The following MYRIP variants were observed in gnomAD, a reference collection of about 807,000 sequenced individuals.
MYRIP encodes myosin VIIA and Rab interacting protein.
A neutral mutation model predicts 98.0 loss-of-function variants in MYRIP; 49 were observed. That is an observed-to-expected ratio of 0.50 (90% CI 0.40 to 0.63). The LOEUF is 0.63. MYRIP is among the 30% of genes least tolerant of loss of function. MYRIP has a pLI of 0.00. For missense variants in MYRIP, 1,004 were observed against 1,058.2 expected, an observed-to-expected ratio of 0.95 and a Z score of 0.71; for synonymous variants, 404 against 409.5, an observed-to-expected ratio of 0.99 and a Z score of 0.16.
chr3:39,943,754 T>C (rs1487902059), intron 2 of MYRIP, among the ~76,000 whole-genome samples: 1 of 152,144 alleles, frequency 6.6e-6, no homozygotes, highest in Non-Finnish European at 1.5e-5. Context: ...TCTCGTTAGA[T>C]GTGGATTCAT....
chr3:40,157,255 T>C (rs1217938966), intron 4 of MYRIP, among the ~76,000 whole-genome samples: 1 of 147,436 alleles, frequency 6.8e-6, no homozygotes, highest in Admixed American at 6.8e-5. Flanking sequence ...GAGATAATCA[T>C]GTGGTTTTTG....
intron 2 of MYRIP, among the ~76,000 whole-genome samples, chr3:39,936,661 A>G (rs1239892441): frequency 6.6e-6 from 1 of 152,172 alleles, no homozygotes; most frequent in Admixed American, 6.6e-5. Context: ...GCATGCAAAT[A>G]CAGCATGCAG....
At chr3:40,034,225 A>T (rs544483633) in intron 2 of MYRIP, among the ~76,000 whole-genome samples, 98 of 152,174 alleles carry the variant, frequency 6.4e-4, no homozygotes, top group Non-Finnish European at 1.2e-3. Flanking sequence ...GACAAATGGG[A>T]TCTAATGAAA....
chr3:40,032,751 G>A (rs1015688304), intron 2 of MYRIP, among the ~76,000 whole-genome samples: 3 of 151,932 alleles, frequency 2.0e-5, no homozygotes, highest in Admixed American at 1.3e-4. Flanking sequence ...TACCAAACCC[G>A]GGCAGAGACA....
At chr3:39,947,168 A>G (rs1009852972) in intron 2 of MYRIP, among the ~76,000 whole-genome samples, 2 of 152,286 alleles carry the variant, frequency 1.3e-5, no homozygotes, top group African/African-American at 2.4e-5. Context: ...GGTCAAACAG[A>G]CAAAAAGCAA....
At chr3:39,919,693 G>GGT (rs62719862) in intron 2 of MYRIP, among the ~76,000 whole-genome samples, 10,607 of 143,140 alleles carry the variant, frequency 0.074, 458 homozygotes, top group East Asian at 0.12. Context: ...GGGTATGTGT[G>GGT]GTGTGTGTGT....
chr3:40,081,396 G>T (rs896399408), intron 3 of MYRIP, among the ~76,000 whole-genome samples: 1 of 152,078 alleles, frequency 6.6e-6, no homozygotes, highest in Non-Finnish European at 1.5e-5. Context: ...TATGCTTTAT[G>T]CATTTTGAGG....
At chr3:39,988,129 G>A (rs949849212) in intron 2 of MYRIP, among the ~76,000 whole-genome samples, 1 of 152,088 alleles carries the variant, frequency 6.6e-6, no homozygotes, top group Non-Finnish European at 1.5e-5. Flanking sequence ...ATGGACACAG[G>A]AAGGGGAACA....
intron 7 of MYRIP, among the ~76,000 whole-genome samples, chr3:40,168,753 G>A (rs965128933): frequency 6.6e-6 from 1 of 152,196 alleles, no homozygotes; most frequent in African/African-American, 2.4e-5. Flanking sequence ...CTTAGCTCTA[G>A]CTTATGGTTA....
intron 1 of MYRIP, among the ~76,000 whole-genome samples, chr3:39,810,281 G>C (rs1011524030): frequency 2.0e-5 from 3 of 152,190 alleles, no homozygotes; most frequent in Non-Finnish European, 4.4e-5. Flanking sequence ...GCACCGGCGG[G>C]ACGCCTCAAA....
intron 3 of MYRIP, among the ~76,000 whole-genome samples, chr3:40,113,716 G>A (rs1375683313): frequency 6.6e-6 from 1 of 152,102 alleles, no homozygotes; most frequent in Non-Finnish European, 1.5e-5. Flanking sequence ...TTGAGACAGA[G>A]TCTCGCTCTT....
intron 2 of MYRIP, among the ~76,000 whole-genome samples, chr3:39,964,802 A>C (rs1197427104): frequency 6.6e-6 from 1 of 152,180 alleles, no homozygotes; most frequent in Non-Finnish European, 1.5e-5. Flanking sequence ...GGCCATGACA[A>C]TTTTTGAAGA....
chr3:40,092,892 G>C (rs1166918021), intron 3 of MYRIP, among the ~76,000 whole-genome samples: 1 of 152,140 alleles, frequency 6.6e-6, no homozygotes, highest in African/African-American at 2.4e-5. Flanking sequence ...CCCGTCGCAG[G>C]AGTTTAGTCT....
chr3:39,986,209 AG>A lies in MYRIP; in HGVS notation c.111-57838del, dbSNP rs1329034602. Reference sequence around the variant, plus strand: ...ATTTTTGGTGGATATCCAAGCATTAAGGGTGACCTGAAACTCGTCATTAGAG... The same window carrying A: ...ATTTTTGGTGGATATCCAAGCATTAAGGTGACCTGAAACTCGTCATTAGAG... On this transcript the variant is annotated intron_variant, in intron 2 of 16. Coordinates refer to ENST00000302541, the MANE Select transcript of MYRIP (RefSeq NM_015460.4). Among the ~76,000 whole-genome samples, 24 of 152,310 alleles carry A rather than the reference AG, an allele frequency of 1.6e-4. No homozygotes were observed. In the East Asian group the frequency reaches 4.6e-3, roughly 29 times the overall value.
chr3:40,136,716 C>T (rs1949781948), intron 3 of MYRIP, among the ~76,000 whole-genome samples: 1 of 152,138 alleles, frequency 6.6e-6, no homozygotes, highest in Non-Finnish European at 1.5e-5. Context: ...AACTAGAACT[C>T]AGGATTAAGA....
intron 1 of MYRIP, among the ~76,000 whole-genome samples, chr3:39,887,815 A>G (rs548267746): frequency 6.6e-6 from 1 of 152,250 alleles, no homozygotes; most frequent in Non-Finnish European, 1.5e-5. Flanking sequence ...AAGCTGATAA[A>G]CAACTTCAGC....
chr3:40,161,405 G>A (rs1206884017), intron 4 of MYRIP, among the ~76,000 whole-genome samples: 3 of 151,968 alleles, frequency 2.0e-5, no homozygotes, highest in East Asian at 1.9e-4. Context: ...TGTTTCCCAC[G>A]ACCCTCCCCA....
At chr3:39,893,956 A>G (rs1157843567) in intron 1 of MYRIP, among the ~76,000 whole-genome samples, 1 of 152,194 alleles carries the variant, frequency 6.6e-6, no homozygotes, top group African/African-American at 2.4e-5. Flanking sequence ...ATATCGTCAT[A>G]TATATCCTTG....
chr3:40,117,104 C>A (rs13433932), intron 3 of MYRIP, among the ~76,000 whole-genome samples: 1 of 152,192 alleles, frequency 6.6e-6, no homozygotes, highest in Admixed American at 6.5e-5. Flanking sequence ...CCACATCTGC[C>A]TTTCAATCCC....
Sources: gnomAD v4.1 joint callset for allele counts (sites outside exome capture counted in the v4.1 genomes callset) on GRCh38, gnomAD v4.1.1 for gene constraint, MANE v1.5 for transcripts, NCBI Gene and HGNC (gene_info 2026-07-23, HGNC 2026-07-21) for gene names.